The following PRKN variants were observed in gnomAD, a reference collection of about 807,000 sequenced individuals.
PRKN encodes parkin RBR E3 ubiquitin protein ligase, also known as E3 ubiquitin-protein ligase parkin.
Under a neutral mutation model 59.5 loss-of-function variants are expected in PRKN, and 56 were observed. The observed-to-expected ratio is 0.94, with a 90% CI of 0.76 to 1.18. The LOEUF is 1.18. Among genes scored for constraint, PRKN ranks in the 50% most tolerant of loss-of-function variants. PRKN has a pLI of 0.00. For missense variants in PRKN, 657 were observed against 596.4 expected (o/e 1.10, Z -1.06); for synonymous variants, 250 against 222.1 (o/e 1.13, Z -1.12).
chr6:161,691,839 C>CGG (rs1232533545), intron 7 of PRKN, among the ~76,000 whole-genome samples: 8 of 151,152 alleles, frequency 5.3e-5, no homozygotes, highest in Non-Finnish European at 1.0e-4. Context: ...CTTTGTTGCT[C>CGG]TGCAAATGTC....
At chr6:161,795,181 G>A (rs546473628) in intron 6 of PRKN, among the ~76,000 whole-genome samples, 41 of 150,544 alleles carry the variant, frequency 2.7e-4, no homozygotes, top group Admixed American at 9.9e-4. Flanking sequence ...ACCGTGCCTG[G>A]CCTAACTTAG....
intron 6 of PRKN, among the ~76,000 whole-genome samples, chr6:161,814,447 G>C (rs1791684739): frequency 6.6e-6 from 1 of 152,204 alleles, no homozygotes; most frequent in Non-Finnish European, 1.5e-5. Context: ...GGCGAAAGAG[G>C]AGCAAAAGCA....
At chr6:162,373,109 C>T (rs1785859472) in intron 2 of PRKN, among the ~76,000 whole-genome samples, 1 of 151,834 alleles carries the variant, frequency 6.6e-6, no homozygotes, top group Non-Finnish European at 1.5e-5. Context: ...CCTACCACAA[C>T]TAATGAGACC....
intron 4 of PRKN, among the ~76,000 whole-genome samples, chr6:162,086,837 C>T (rs1321437847): frequency 1.3e-5 from 2 of 152,150 alleles, no homozygotes; most frequent in Admixed American, 1.3e-4. Flanking sequence ...AGAGAACAGA[C>T]CTTTTTTGTC....
chr6:162,526,002 C>G (rs1489387574), intron 1 of PRKN, among the ~76,000 whole-genome samples: 1 of 151,960 alleles, frequency 6.6e-6, no homozygotes, highest in African/African-American at 2.4e-5. Flanking sequence ...AAAACCACAC[C>G]CAGCTAATTT....
In PRKN at chr6:161,388,068, C is replaced by T. The variant is rs1483609218; in HGVS notation, c.1084-1191G>A. ...ACCTCTCCTGAAAGCACGTCCCATT[C>T]TCATCGCCACCAGCCATGCTCTGAA... On this transcript the variant is annotated intron_variant, in intron 9 of 11. Coordinates refer to ENST00000366898, the MANE Select transcript of PRKN (RefSeq NM_004562.3). The surrounding 1 kb of genome is among the most constrained non-coding windows in gnomAD (Gnocchi z 4.3). Among the ~76,000 whole-genome samples the T allele has an allele frequency of 6.6e-6, 1 of 152,200 alleles. No individual in the cohort carries two copies. Among genetic ancestry groups the T allele is most frequent in the Non-Finnish European group, 1.5e-5 (1 of 68,032 alleles).
At chr6:161,768,592 G>C (rs976705917) in intron 7 of PRKN, among the ~76,000 whole-genome samples, 1 of 152,142 alleles carries the variant, frequency 6.6e-6, no homozygotes, top group Non-Finnish European at 1.5e-5. Flanking sequence ...GATATAAAAA[G>C]TAAATCAAAC....
chr6:162,568,107 A>G (rs190793493), intron 1 of PRKN, among the ~76,000 whole-genome samples: 1 of 152,300 alleles, frequency 6.6e-6, no homozygotes, highest in East Asian at 1.9e-4. Flanking sequence ...ATATATAAAA[A>G]TCAAAGCAAA....
At position 161,360,298 on chromosome 6, in the gene PRKN, G is replaced by A; in HGVS notation, c.1168-93C>T. 1 of 1,013,576 alleles carries A rather than the reference G, an allele frequency of 9.9e-7. No individual in the cohort carries two copies. 62.8% of individuals were successfully genotyped at this position (1,013,576 alleles called of 1,614,324 possible). On this transcript the variant is annotated intron_variant, in intron 10 of 11. Coordinates refer to ENST00000366898, the MANE Select transcript of PRKN (RefSeq NM_004562.3). This position sits in a 1 kb window ranked among gnomAD's most constrained non-coding sequence, Gnocchi z 5.1. ...CTGTACGTCGGTACAGGAAATTCTT[G>A]AAGACAGGAGTGCCTTCGGGCAAGA...
intron 1 of PRKN, among the ~76,000 whole-genome samples, chr6:162,548,200 C>T (rs749492709): frequency 6.6e-6 from 1 of 152,084 alleles, no homozygotes; most frequent in Non-Finnish European, 1.5e-5. Context: ...GCTAGGACTA[C>T]AGGTGCACGC....
chr6:161,825,009 A>G (rs1351370904), intron 6 of PRKN, among the ~76,000 whole-genome samples: 1 of 152,192 alleles, frequency 6.6e-6, no homozygotes, highest in Non-Finnish European at 1.5e-5. Flanking sequence ...AAATTTGAAA[A>G]CAAGCCTCAA....
intron 2 of PRKN, among the ~76,000 whole-genome samples, chr6:162,308,592 A>C (rs1202360340): frequency 6.6e-6 from 1 of 152,170 alleles, no homozygotes; most frequent in Non-Finnish European, 1.5e-5. Context: ...TTCTCCCAAT[A>C]AACTATCCTA....
rs992631158 is a variant in PRKN at position 161,497,581 on chromosome 6, A to T, written c.1083+51273T>A. Among the ~76,000 whole-genome samples, 7 of 146,202 alleles carry T rather than the reference A, an allele frequency of 4.8e-5. No individual in the cohort carries two copies. Among genetic ancestry groups the T allele is most frequent in the African/African-American group, 1.6e-4 (6 of 37,858 alleles). Reference sequence around the variant, plus strand: ...CTCTCTCTCTCTCTCTCTCTCTCACACACACACACACACACACCATATCCC... The same window carrying T: ...CTCTCTCTCTCTCTCTCTCTCTCACTCACACACACACACACACCATATCCC... On this transcript the variant is annotated intron_variant, in intron 9 of 11. Coordinates refer to ENST00000366898, the MANE Select transcript of PRKN (RefSeq NM_004562.3). This position sits in a 1 kb window ranked among gnomAD's most constrained non-coding sequence, Gnocchi z 4.6.
intron 6 of PRKN, among the ~76,000 whole-genome samples, chr6:161,962,225 G>A (rs1273574033): frequency 6.6e-6 from 1 of 152,202 alleles, no homozygotes. Context: ...GGGCAAGGTA[G>A]ATCATATTAG....
chr6:162,715,083 A>G (rs1778672339), intron 1 of PRKN, among the ~76,000 whole-genome samples: 2 of 152,318 alleles, frequency 1.3e-5, no homozygotes, highest in South Asian at 2.1e-4. Flanking sequence ...AATTTTCACC[A>G]AAGTCAAGGC....
At chr6:161,358,647 C>A (rs1277461891) in intron 11 of PRKN, among the ~76,000 whole-genome samples, 1 of 151,974 alleles carries the variant, frequency 6.6e-6, no homozygotes. Flanking sequence ...AGCGAAATAC[C>A]AGGCCTGTTT....
At chr6:161,729,409 CAGTT>C (rs1787582718) in intron 7 of PRKN, among the ~76,000 whole-genome samples, 1 of 151,966 alleles carries the variant, frequency 6.6e-6, no homozygotes, top group South Asian at 2.1e-4. Flanking sequence ...TGTAAAGTAA[CAGTT>C]AAGTCAACTC....
At chr6:161,876,709 TGAA>T (rs1317828207) in intron 6 of PRKN, among the ~76,000 whole-genome samples, 1 of 152,214 alleles carries the variant, frequency 6.6e-6, no homozygotes, top group Non-Finnish European at 1.5e-5. Flanking sequence ...TATGTGATTT[TGAA>T]AATATTCTTT....
intron 7 of PRKN, among the ~76,000 whole-genome samples, chr6:161,742,159 G>A (rs532753602): frequency 1.3e-4 from 20 of 151,994 alleles, no homozygotes; most frequent in African/African-American, 4.8e-4. Context: ...TAGTAGAGAC[G>A]GGATTTTACC....
Sources: gnomAD v4.1 joint callset for allele counts (sites outside exome capture counted in the v4.1 genomes callset) on GRCh38, gnomAD v4.1.1 for gene constraint, Gnocchi (gnomAD v3.1) non-coding constraint, MANE v1.5 for transcripts, NCBI Gene and HGNC (gene_info 2026-07-23, HGNC 2026-07-21) for gene names.